Variants in TRIM51G observed in about 807,000 individuals in gnomAD.
TRIM51G encodes tripartite motif-containing protein 51G.
chr11:48,976,791 TCC>T, the TRIM51G span, among the ~76,000 whole-genome samples: 5 of 152,146 alleles, frequency 3.3e-5, no homozygotes, highest in African/African-American at 1.2e-4. Context: ...TTATTAAGCT[TCC>T]TTCTGAGCAT....
the TRIM51G span, chr11:48,981,142 T>A: frequency 3.0e-6 from 4 of 1,336,346 alleles, no homozygotes; most frequent in Non-Finnish European, 4.1e-6. Flanking sequence ...GTCTGTCAAA[T>A]CTGAGAGGTG....
At chr11:48,979,453 G>T in the TRIM51G span, among the ~76,000 whole-genome samples, 306 of 152,164 alleles carry the variant, frequency 2.0e-3, 1 homozygote, top group African/African-American at 6.9e-3. Context: ...GAGAATTGGG[G>T]CAAGTTATGT....
the TRIM51G span, chr11:48,978,200 T>C: frequency 1.9e-6 from 1 of 531,654 alleles, no homozygotes; most frequent in Non-Finnish European, 3.9e-6. Flanking sequence ...TTCCACAAGA[T>C]GCATCTTCAA....
the TRIM51G span, among the ~76,000 whole-genome samples, chr11:48,980,215 T>A: frequency 2.7e-4 from 41 of 152,174 alleles, no homozygotes; most frequent in African/African-American, 9.1e-4. Context: ...AATATTACAA[T>A]AAATTAATGA....
chr11:48,977,520 G>T, the TRIM51G span, among the ~76,000 whole-genome samples: 3 of 152,042 alleles, frequency 2.0e-5, no homozygotes, highest in Non-Finnish European at 4.4e-5. Flanking sequence ...GGAAAAGTGG[G>T]GTTATTTTTA....
At chr11:48,983,724 A>G in the TRIM51G span, among the ~76,000 whole-genome samples, 3 of 152,000 alleles carry the variant, frequency 2.0e-5, no homozygotes, top group African/African-American at 4.8e-5. Context: ...TTTTCTCCAT[A>G]TAAGTTGCAC....
the TRIM51G span, chr11:48,981,456 G>A: frequency 1.5e-3 from 2,436 of 1,606,902 alleles, 38 homozygotes; most frequent in African/African-American, 0.029. Context: ...GCCGGAGGCT[G>A]GCTTTTCTGG....
At chr11:48,979,332 A>G in the TRIM51G span, among the ~76,000 whole-genome samples, 5 of 152,190 alleles carry the variant, frequency 3.3e-5, no homozygotes, top group Non-Finnish European at 5.9e-5. Flanking sequence ...GTTGTATAAA[A>G]ATGGATTTCT....
At chr11:48,980,704 G>C in the TRIM51G span, among the ~76,000 whole-genome samples, 1 of 152,132 alleles carries the variant, frequency 6.6e-6, no homozygotes, top group Non-Finnish European at 1.5e-5. Flanking sequence ...GCATGCTTGG[G>C]TAACATCTGT....
chr11:48,977,482 T>G, the TRIM51G span, among the ~76,000 whole-genome samples: 4 of 152,124 alleles, frequency 2.6e-5, no homozygotes, highest in African/African-American at 7.2e-5. Flanking sequence ...ATTCCAGACC[T>G]CACCAGAAAT....
At chr11:48,977,241 C>T in the TRIM51G span, 1 of 753,848 alleles carries the variant, frequency 1.3e-6, no homozygotes. Flanking sequence ...TAAGAATCAC[C>T]ACCTTTATTT....
chr11:48,981,746 A>T, the TRIM51G span: 2 of 1,540,328 alleles, frequency 1.3e-6, no homozygotes, highest in Non-Finnish European at 1.8e-6. Flanking sequence ...GGGTTGGTGA[A>T]AATCTGTGAA....
At chr11:48,978,064 C>T in the TRIM51G span, 1 of 477,408 alleles carries the variant, frequency 2.1e-6, no homozygotes, top group Non-Finnish European at 4.3e-6. Context: ...ATCACTTATA[C>T]CTTCAATATC....
At chr11:48,981,259 A>G in the TRIM51G span, 1 of 1,602,194 alleles carries the variant, frequency 6.2e-7, no homozygotes, top group South Asian at 1.1e-5. Context: ...CCTGTATAGA[A>G]ATAGATCTTC....
the TRIM51G span, among the ~76,000 whole-genome samples, chr11:48,982,640 T>C: frequency 6.6e-6 from 1 of 152,030 alleles, no homozygotes; most frequent in African/African-American, 2.4e-5. Flanking sequence ...AGGATATTGG[T>C]ATCTCCAGGA....
chr11:48,977,024 C>T, the TRIM51G span: 8 of 675,688 alleles, frequency 1.2e-5, no homozygotes, highest in African/African-American at 3.6e-5. Flanking sequence ...AAAATATTAC[C>T]CCCATGATTC....
the TRIM51G span, among the ~76,000 whole-genome samples, chr11:48,982,387 C>T: frequency 3.0e-4 from 45 of 151,988 alleles, no homozygotes; most frequent in Admixed American, 1.8e-3. Flanking sequence ...TGTGGTATTA[C>T]AGTTAATTAT....
chr11:48,980,967 CT>C, the TRIM51G span: 1 of 522,218 alleles, frequency 1.9e-6, no homozygotes, highest in Non-Finnish European at 3.9e-6. Context: ...ACACATTTTT[CT>C]CCATAAAGAC....
At chr11:48,982,185 G>T in the TRIM51G span, among the ~76,000 whole-genome samples, 3 of 151,858 alleles carry the variant, frequency 2.0e-5, no homozygotes, top group African/African-American at 7.3e-5. Context: ...AACAACCCCA[G>T]AACAAACCAA....
Sources: allele counts gnomAD v4.1 joint callset (sites outside exome capture counted in the v4.1 genomes callset), GRCh38; gene constraint gnomAD v4.1.1; transcripts MANE v1.5; gene names NCBI Gene and HGNC (gene_info 2026-07-23, HGNC 2026-07-21).